Variants in ATP13A3 observed in about 807,000 individuals in gnomAD.
The protein encoded by ATP13A3 is polyamine-transporting ATPase 13A3.
In ATP13A3, 59 loss-of-function variants were observed where a neutral mutation model predicts 158.1. The observed-to-expected ratio is 0.37, with a 90% CI of 0.30 to 0.46. The LOEUF is 0.46. Ranked by LOEUF, ATP13A3 falls within the 20% of genes least tolerant of loss-of-function variation. ATP13A3 has a pLI of 1.00. For synonymous variants in ATP13A3, 491 were observed against 504.3 expected (o/e 0.97, Z 0.35); for missense variants, 1,166 against 1,525.2 (o/e 0.76, Z 3.92).
intron 7 of ATP13A3, among the ~76,000 whole-genome samples, chr3:194,456,720 T>C (rs889668245): frequency 1.3e-5 from 2 of 152,090 alleles, no homozygotes; most frequent in Non-Finnish European, 2.9e-5. Flanking sequence ...AAATCTAAGG[T>C]GCTATCAATT....
At chr3:194,434,616 A>G (rs1017210917) in intron 20 of ATP13A3, among the ~76,000 whole-genome samples, 1 of 152,230 alleles carries the variant, frequency 6.6e-6, no homozygotes, top group Non-Finnish European at 1.5e-5. Context: ...AGTGATAGTT[A>G]CGTTCTTAAG....
Position 194,404,081 on chromosome 3 carries a change from A to G in ATP13A3, c.*1838T>C, listed in dbSNP as rs1286946756. On this transcript the variant is annotated 3_prime_UTR_variant, in exon 34 of 34. Coordinates refer to ENST00000645319, the MANE Select transcript of ATP13A3 (RefSeq NM_001367549.1). ...GCACAATTGTGGAAATCACTGAAGA[A>G]TAACACGAGCATATTTGAAATTAAT... The G allele has an allele frequency of 4.4e-6, 2 of 451,478 alleles. No individual in the cohort carries two copies. Among genetic ancestry groups the G allele is most frequent in the African/African-American group, 4.0e-5 (2 of 49,704 alleles). 28.0% of individuals were successfully genotyped at this position (451,478 alleles called of 1,614,324 possible).
intron 2 of ATP13A3, among the ~76,000 whole-genome samples, chr3:194,468,418 A>G (rs972272235): frequency 6.9e-6 from 1 of 145,292 alleles, no homozygotes; most frequent in Non-Finnish European, 1.5e-5. Flanking sequence ...GTATGGGACA[A>G]AGTGAAGCTA....
At chr3:194,482,609 A>G (rs891751158) in intron 2 of ATP13A3, among the ~76,000 whole-genome samples, 19 of 152,210 alleles carry the variant, frequency 1.2e-4, no homozygotes, top group African/African-American at 4.3e-4. Flanking sequence ...ATGATGTTCA[A>G]CAAAACTCAA....
chr3:194,444,904 G>C lies in ATP13A3; in HGVS notation c.1498-118C>G, dbSNP rs1348449855. The stretch of plus-strand genomic sequence containing the variant: ...GAAACTATGCTACATATAACATAAT[G>C]GAGTTCTACAGAGTTAAAAAAAGAA... On this transcript the variant is annotated intron_variant, in intron 14 of 33. Coordinates refer to ENST00000645319, the MANE Select transcript of ATP13A3 (RefSeq NM_001367549.1). 3 of 712,016 alleles carry C rather than the reference G, an allele frequency of 4.2e-6. No homozygotes were observed. The East Asian group carries it at 8.2e-5, about 19-fold the overall frequency. The allele number at this position is 712,016 out of a possible 1,614,324, so 44.1% of individuals were successfully genotyped here.
chr3:194,450,339 A>G (rs1281617104), intron 10 of ATP13A3, 63 bp from the exon 11 acceptor site: 21 of 1,494,582 alleles, frequency 1.4e-5, no homozygotes, highest in South Asian at 5.9e-5. Context: ...AAAATACAGC[A>G]AATGCTATTC....
intron 2 of ATP13A3, among the ~76,000 whole-genome samples, chr3:194,479,953 T>C (rs1720683716): frequency 6.6e-6 from 1 of 152,128 alleles, no homozygotes; most frequent in Non-Finnish European, 1.5e-5. Context: ...CTTTTGAGGA[T>C]GTTGCTACTA....
At chr3:194,417,319 G>C (rs1488941870) in intron 31 of ATP13A3, among the ~76,000 whole-genome samples, 2 of 151,072 alleles carry the variant, frequency 1.3e-5, no homozygotes, top group African/African-American at 4.9e-5. Context: ...TGAGGCCGAG[G>C]CAGGAGAATC....
At chr3:194,493,071 T>C (rs1301802433) in intron 2 of ATP13A3, among the ~76,000 whole-genome samples, 1 of 151,188 alleles carries the variant, frequency 6.6e-6, no homozygotes, top group African/African-American at 2.4e-5. Flanking sequence ...GAGTTTGAGT[T>C]TATGGTGAGC....
chr3:194,472,768 T>C (rs940025189), intron 2 of ATP13A3, among the ~76,000 whole-genome samples: 15 of 152,176 alleles, frequency 9.9e-5, no homozygotes, highest in African/African-American at 2.4e-4. Context: ...CAACAGTGGA[T>C]TGCATAAAGA....
intron 2 of ATP13A3, among the ~76,000 whole-genome samples, chr3:194,478,747 A>G (rs1720629315): frequency 6.6e-6 from 1 of 152,194 alleles, no homozygotes. Flanking sequence ...AAGGAGCCAT[A>G]TTCCTGAAGA....
chr3:194,493,135 T>TA (rs376023000), intron 2 of ATP13A3, among the ~76,000 whole-genome samples: 11,946 of 131,622 alleles, frequency 0.091, 670 homozygotes, highest in Non-Finnish European at 0.13. Flanking sequence ...TCTCAGCTCT[T>TA]AAAAAAAAAA....
At chr3:194,418,150 G>GA in intron 31 of ATP13A3, among the ~76,000 whole-genome samples, 1 of 151,704 alleles carries the variant, frequency 6.6e-6, no homozygotes, top group Non-Finnish European at 1.5e-5. Context: ...ATGCGTAAGA[G>GA]AAAAAAAGAA....
chr3:194,432,021 T>C, intron 21 of ATP13A3, 129 bp from the exon 22 acceptor site: 1 of 726,608 alleles, frequency 1.4e-6, no homozygotes, highest in South Asian at 4.0e-5. Flanking sequence ...TGTATGGTTC[T>C]TCCACTTACA....
Position 194,405,815 on chromosome 3 carries a change from A to AC in ATP13A3, c.*103dup. 2.5e-6 allele frequency: 3 copies of AC among 1,184,274 alleles called. No homozygotes were observed. The highest frequency in any genetic ancestry group is 2.5e-6 in the Non-Finnish European group (2 of 809,544). 73.4% of individuals were successfully genotyped at this position (1,184,274 alleles called of 1,614,324 possible). A position where few individuals can be genotyped will look rare whatever the true frequency, so the allele number is the denominator to read the frequency against. On this transcript the variant is annotated 3_prime_UTR_variant, in exon 34 of 34. Transcript: ENST00000645319. The stretch of plus-strand genomic sequence containing the variant: ...CAAATAAGCTACTATATCAGAAGGG[A>AC]CATAAACTGAACTAGTGCCATTCTG...
Position 194,425,001 on chromosome 3 carries a change from C to T in ATP13A3, c.3313+341G>A, listed in dbSNP as rs1173001930. 5.9e-5 allele frequency among the ~76,000 whole-genome samples: 9 copies of T among 152,152 alleles called. 1 individual carries two copies. Among genetic ancestry groups the T allele is most frequent in the Admixed American group, 1.3e-4 (2 of 15,280 alleles). ...CCTCCGCAGTGGGCTGAGGAACCTC[C>T]GTCTCCGCCCCCGATCCTAACTCAC... On this transcript the variant is annotated intron_variant, in intron 30 of 33. Transcript: ENST00000645319.
At chr3:194,444,145 C>T (rs548059642) in intron 15 of ATP13A3, among the ~76,000 whole-genome samples, 23 of 152,308 alleles carry the variant, frequency 1.5e-4, no homozygotes, top group African/African-American at 4.8e-4. Context: ...GCCCATGCTA[C>T]GGCCCAGCCT....
At position 194,404,199 on chromosome 3, in the gene ATP13A3, A is replaced by T. The variant is rs1197882681; in HGVS notation, c.*1720T>A. Reference sequence around the variant, plus strand: ...GGTCTAAGATGCATAGCTTCATAGAATCATTCATGGAACAACTGTTATCAT... The same window carrying T: ...GGTCTAAGATGCATAGCTTCATAGATTCATTCATGGAACAACTGTTATCAT... On this transcript the variant is annotated 3_prime_UTR_variant, in exon 34 of 34. Transcript: ENST00000645319. 2.3e-6 allele frequency: 1 copy of T among 426,330 alleles called. No individual in the cohort carries two copies. The highest frequency in any genetic ancestry group is 4.6e-6 in the Non-Finnish European group (1 of 217,340). 26.4% of individuals were successfully genotyped at this position (426,330 alleles called of 1,614,324 possible).
At chr3:194,488,967 T>C (rs1197364362), upstream of ATP13A3, among the ~76,000 whole-genome samples, 1 of 152,198 alleles carries the variant, frequency 6.6e-6, no homozygotes, top group Non-Finnish European at 1.5e-5. This position sits in a 1 kb window ranked among gnomAD's most constrained non-coding sequence, Gnocchi z 4.1. Context: ...CACCCCAAAC[T>C]GGACATTTCC....
Sources: allele counts gnomAD v4.1 joint callset (sites outside exome capture counted in the v4.1 genomes callset), GRCh38; gene constraint gnomAD v4.1.1; non-coding constraint Gnocchi (gnomAD v3.1); transcripts MANE v1.5; gene names NCBI Gene and HGNC (gene_info 2026-07-23, HGNC 2026-07-21).